PROX2: variants seen among roughly 807,000 people sequenced by gnomAD.
The protein encoded by PROX2 is prospero homeobox protein 2.
PROX2 carries 46 observed loss-of-function variants against 48.9 expected under a neutral mutation model. That is an observed-to-expected ratio of 0.94 (90% CI 0.74 to 1.20). PROX2 has a LOEUF of 1.20. Ranked by LOEUF, PROX2 falls within the 50% of genes most tolerant of loss-of-function variation. The probability of loss-of-function intolerance (pLI) is 0.00; values close to 1 mark genes in which losing one functional copy is unlikely to be tolerated. For missense variants in PROX2, 663 were observed against 719.4 expected (o/e 0.92, Z 0.90); for synonymous variants, 260 against 276.6 (o/e 0.94, Z 0.60).
chr14:74,868,313 T>TTATATATA (rs4026383), intron 2 of PROX2, among the ~76,000 whole-genome samples: 251 of 53,764 alleles, frequency 4.7e-3, no homozygotes, highest in Non-Finnish European at 6.5e-3. Flanking sequence ...TTTCTCGTAA[T>TTATATATA]TATATATATA....
chr14:74,861,047 T>A (rs966739497), intron 3 of PROX2, among the ~76,000 whole-genome samples: 2 of 152,208 alleles, frequency 1.3e-5, no homozygotes, highest in African/African-American at 4.8e-5. Flanking sequence ...AGTTGCTCGC[T>A]AACTTCCAGG....
rs945426068 is a variant in PROX2 at position 74,853,708 on chromosome 14, T to C, written c.*1424A>G. On this transcript the variant is annotated 3_prime_UTR_variant, in exon 6 of 6. Transcript: ENST00000556489. ...TGTTTTATATAGACAGGAAAGAAGC[T>C]AATGAACTCACAGACACCCCTTATC... 6.6e-6 allele frequency: 1 copy of C among 152,216 alleles called. No homozygotes were observed. The highest frequency in any genetic ancestry group is 1.5e-5 in the Non-Finnish European group (1 of 68,034). 9.4% of individuals were successfully genotyped at this position (152,216 alleles called of 1,614,324 possible).
At chr14:74,859,845 A>G (rs764857460) in intron 3 of PROX2, among the ~76,000 whole-genome samples, 1 of 152,132 alleles carries the variant, frequency 6.6e-6, no homozygotes, top group Non-Finnish European at 1.5e-5. Flanking sequence ...TACCCTTCCT[A>G]CAGATCCACA....
chr14:74,862,553 C>T lies in PROX2; in HGVS notation c.1282G>A (p.Ala428Thr), dbSNP rs553401078. The T allele has an allele frequency of 1.2e-6, 2 of 1,613,174 alleles. No individual in the cohort carries two copies. The highest frequency in any genetic ancestry group is 2.2e-5 in the East Asian group (1 of 44,892). ...ATGTGGACCAAAGAGAAAGGCAGTG[C>T]CTCCATGACAGCATGCAGGCCTCTC... Reference protein sequence around the residue: ...EQRGLHAVMEALPFSLVHIQE... With the variant: ...EQRGLHAVMETLPFSLVHIQE... Residue 428 changes from alanine (A) to threonine (T), a missense_variant, in exon 3 of 6, where the codon GCA becomes ACA. By Grantham distance (58) the Ala-to-Thr change is moderately conservative (BLOSUM62 0). Coordinates refer to ENST00000556489, the MANE Select transcript of PROX2 (RefSeq NM_001243007.2).
rs549067701 is a variant in PROX2, at chr14:74,858,687, T to C, written c.1306-173A>G. The stretch of plus-strand genomic sequence containing the variant: ...CTCTGGTCAAATAAGCTGGATGACA[T>C]ATGTGCACAGTTAAGTCACAGAATG... On this transcript the variant is annotated intron_variant, in intron 3 of 5. Transcript: ENST00000556489. 1.0e-5 allele frequency: 6 copies of C among 572,006 alleles called. No individual in the cohort carries two copies. The African/African-American group carries it at 1.1e-4, about 11-fold the overall frequency. 35.4% of individuals were successfully genotyped at this position (572,006 alleles called of 1,614,324 possible). A position where few individuals can be genotyped will look rare whatever the true frequency, so the allele number is the denominator to read the frequency against.
At chr14:74,861,084 T>G (rs1161309224) in intron 3 of PROX2, 1 of 565,566 alleles carries the variant, frequency 1.8e-6, no homozygotes, top group Admixed American at 2.4e-5. Context: ...TCCAACACTT[T>G]TGACCGGCAG....
At chr14:74,861,220 C>T in intron 3 of PROX2, 1 of 1,353,010 alleles carries the variant, frequency 7.4e-7, no homozygotes, top group Non-Finnish European at 9.8e-7. Flanking sequence ...CCTGGATATG[C>T]AACTCCATAG....
intron 4 of PROX2, 199 bp downstream of exon 4, chr14:74,858,208 A>G (rs1010320662): frequency 2.1e-6 from 1 of 479,658 alleles, no homozygotes; most frequent in Non-Finnish European, 3.7e-6. Context: ...AAGAATTTAG[A>G]CAGCCAGCCT....
intron 1 of PROX2, among the ~76,000 whole-genome samples, chr14:74,874,882 C>A (rs1037798260): frequency 1.3e-5 from 2 of 151,958 alleles, no homozygotes; most frequent in African/African-American, 4.8e-5. Context: ...GGGTGGCTCA[C>A]GCCTGTCATC....
At chr14:74,856,459 G>C (rs1472842523) in intron 5 of PROX2, 1 of 216,360 alleles carries the variant, frequency 4.6e-6, no homozygotes, top group African/African-American at 2.3e-5. Flanking sequence ...CCACAACTGA[G>C]CTCAGCATTC....
intron 1 of PROX2, among the ~76,000 whole-genome samples, chr14:74,873,315 A>G (rs1396452250): frequency 6.6e-6 from 1 of 152,172 alleles, no homozygotes; most frequent in South Asian, 2.1e-4. Flanking sequence ...GAACTTACAC[A>G]AATTAACTCT....
chr14:74,856,016 C>T (rs2091740069), intron 5 of PROX2: 1 of 152,286 alleles, frequency 6.6e-6, no homozygotes. Context: ...ACCAGTCAAC[C>T]AGTGGATGAC....
At chr14:74,855,446 C>A in intron 5 of PROX2, 144 bp from the exon 6 acceptor site, 1 of 493,686 alleles carries the variant, frequency 2.0e-6, no homozygotes, top group Non-Finnish European at 3.4e-6. Context: ...ATTCTGCAAC[C>A]CTAGGACTCC....
intron 1 of PROX2, among the ~76,000 whole-genome samples, chr14:74,873,246 A>C (rs567682268): frequency 6.6e-6 from 1 of 152,102 alleles, no homozygotes; most frequent in Non-Finnish European, 1.5e-5. Flanking sequence ...GCCTCCCAAA[A>C]TGCTGGAATT....
intron 3 of PROX2, chr14:74,858,790 G>A (rs1402645538): frequency 9.0e-6 from 3 of 332,074 alleles, no homozygotes; most frequent in Non-Finnish European, 1.7e-5. Context: ...GTGTGTGTGT[G>A]TGTGTGTGTG....
Position 74,863,148 on chromosome 14 carries a change from C to G in PROX2, c.687G>C (p.Glu229Asp), listed in dbSNP as rs760478855. 1.2e-5 allele frequency: 19 copies of G among 1,613,938 alleles called. No homozygotes were observed. In the East Asian group the frequency reaches 4.0e-4, roughly 34 times the overall value. ...APASLEILRK[E>D]LTRAVSQAVD... is the part of the protein sequence containing the mutation. ...CAGCCTGGGACACTGCCCTGGTCAG[C>G]TCTTTCCTCAGAATCTCTAGTGAAG... Residue 229 changes from glutamate to aspartate, a missense_variant, in exon 3 of 6, where the codon GAG becomes GAC. Physicochemically the swap from Glu to Asp is conservative, Grantham distance 45. Coordinates refer to ENST00000556489, the MANE Select transcript of PROX2 (RefSeq NM_001243007.2).
In PROX2 at chr14:74,858,545, T is replaced by C. The variant is rs1566778323; in HGVS notation, c.1306-31A>G. The C allele has an allele frequency of 2.5e-6, 3 of 1,179,056 alleles. No individual in the cohort carries two copies. The Admixed American group carries it at 6.2e-5, about 24-fold the overall frequency. 73.0% of individuals were successfully genotyped at this position (1,179,056 alleles called of 1,614,324 possible). A position where few individuals can be genotyped will look rare whatever the true frequency, so the allele number is the denominator to read the frequency against. The stretch of plus-strand genomic sequence containing the variant: ...TCAGTGTCAAGGAAAATGAACACTT[T>C]AAAATGCCAGTTTATCAATTAACTA... On this transcript the variant is annotated intron_variant, in intron 3 of 5. Transcript: ENST00000556489.
At chr14:74,862,229 GTC>G (rs58784255) in intron 3 of PROX2, among the ~76,000 whole-genome samples, 20,365 of 152,152 alleles carry the variant, frequency 0.13, 1,517 homozygotes, top group South Asian at 0.28. Context: ...TTGAAACATT[GTC>G]TCTCTCTGTT....
intron 4 of PROX2, 145 bp downstream of exon 4, chr14:74,858,262 C>G (rs1281106327): frequency 8.7e-6 from 5 of 577,974 alleles, no homozygotes; most frequent in African/African-American, 7.4e-5. Flanking sequence ...AGAGTCTCAG[C>G]CCAGAACTGG....
Sources: gnomAD v4.1 joint callset for allele counts (sites outside exome capture counted in the v4.1 genomes callset) on GRCh38, gnomAD v4.1.1 for gene constraint, MANE v1.5 for transcripts, NCBI Gene and HGNC (gene_info 2026-07-23, HGNC 2026-07-21) for gene names.